Variants in MICU1 observed in about 807,000 individuals in gnomAD.
The protein encoded by MICU1 is calcium uptake protein 1, mitochondrial.
MICU1 carries 45 observed loss-of-function variants against 56.8 expected under a neutral mutation model. That is an observed-to-expected ratio of 0.79 (90% CI 0.62 to 1.02). The LOEUF (loss-of-function observed/expected upper bound fraction) is 1.02, where lower values mean the gene tolerates loss of function less well. Among genes scored for constraint, MICU1 ranks in the 50% least tolerant of loss-of-function variants. The pLI, the probability that MICU1 is intolerant of heterozygous loss-of-function variation, is 0.00. For synonymous variants in MICU1, 186 were observed against 195.1 expected (o/e 0.95, Z 0.39); for missense variants, 504 against 587.1 (o/e 0.86, Z 1.46).
chr10:72,566,978 A>G (rs530445681), intron 1 of MICU1, among the ~76,000 whole-genome samples, 184 bp from the exon 2 acceptor site: 1 of 152,362 alleles, frequency 6.6e-6, no homozygotes, highest in African/African-American at 2.4e-5. Context: ...AGTACTACTT[A>G]TAAAACTGAT....
At chr10:72,510,445 A>G (rs929196192) in intron 5 of MICU1, among the ~76,000 whole-genome samples, 2 of 152,172 alleles carry the variant, frequency 1.3e-5, no homozygotes, top group Non-Finnish European at 1.5e-5. Context: ...CTCAGCATAG[A>G]TTTCCTGGGA....
At chr10:72,436,971 C>T (rs1333888800) in intron 8 of MICU1, among the ~76,000 whole-genome samples, 2 of 152,184 alleles carry the variant, frequency 1.3e-5, no homozygotes, top group Non-Finnish European at 2.9e-5. Context: ...GAAAAACACT[C>T]TTCAGGATAT....
At chr10:72,467,021 C>T (rs963160354) in intron 8 of MICU1, among the ~76,000 whole-genome samples, 3 of 150,884 alleles carry the variant, frequency 2.0e-5, no homozygotes, top group South Asian at 2.1e-4. Context: ...TTTTTTGAGA[C>T]GAAGTCTCAC....
chr10:72,607,952 A>C (rs1008991142), intron 1 of MICU1, among the ~76,000 whole-genome samples: 8 of 152,208 alleles, frequency 5.3e-5, no homozygotes, highest in Admixed American at 4.6e-4. Flanking sequence ...AACAATCCAC[A>C]CATCTGGTGT....
At chr10:72,592,952 C>T (rs1288240140) in intron 1 of MICU1, among the ~76,000 whole-genome samples, 1 of 151,768 alleles carries the variant, frequency 6.6e-6, no homozygotes, top group Non-Finnish European at 1.5e-5. Context: ...CTGGCTAATT[C>T]CTTTTGTATT....
chr10:72,373,206 G>A (rs1329674147), intron 11 of MICU1, among the ~76,000 whole-genome samples: 1 of 148,574 alleles, frequency 6.7e-6, no homozygotes, highest in African/African-American at 2.5e-5. Flanking sequence ...TTGAGATGAG[G>A]TCTTGCTCTG....
intron 8 of MICU1, among the ~76,000 whole-genome samples, chr10:72,435,738 T>G (rs1864690502): frequency 6.6e-6 from 1 of 152,262 alleles, no homozygotes; most frequent in Non-Finnish European, 1.5e-5. Flanking sequence ...GGAGATTCTC[T>G]CCGGTGCCTG....
intron 5 of MICU1, among the ~76,000 whole-genome samples, chr10:72,512,600 C>G (rs1345408108): frequency 5.9e-5 from 9 of 152,106 alleles, no homozygotes; most frequent in Non-Finnish European, 1.3e-4. Flanking sequence ...GTATGAGTAT[C>G]TGTTTGAGTA....
intron 4 of MICU1, among the ~76,000 whole-genome samples, chr10:72,539,589 A>T (rs781471807): frequency 1.3e-5 from 2 of 152,190 alleles, no homozygotes; most frequent in African/African-American, 4.8e-5. Context: ...ACCAAAAACA[A>T]TTCTAAGAGG....
intron 10 of MICU1, among the ~76,000 whole-genome samples, chr10:72,397,528 T>G (rs569966508): frequency 6.6e-6 from 1 of 152,166 alleles, no homozygotes; most frequent in Non-Finnish European, 1.5e-5. Context: ...GTGCTGTATT[T>G]AGGAGACCCA....
At chr10:72,610,855 T>C (rs1173988678) in intron 1 of MICU1, among the ~76,000 whole-genome samples, 1 of 152,172 alleles carries the variant, frequency 6.6e-6, no homozygotes, top group Non-Finnish European at 1.5e-5. Context: ...GGACACTATG[T>C]AGTACAACAT....
intron 3 of MICU1, among the ~76,000 whole-genome samples, chr10:72,559,457 T>C (rs1840237804): frequency 1.3e-5 from 2 of 151,762 alleles, no homozygotes; most frequent in Non-Finnish European, 2.9e-5. Flanking sequence ...TAAAAACATA[T>C]TACTCTATTT....
intron 1 of MICU1, among the ~76,000 whole-genome samples, chr10:72,611,301 TAA>T (rs57100556): frequency 3.7e-5 from 5 of 135,932 alleles, no homozygotes; most frequent in African/African-American, 2.7e-5. Flanking sequence ...AGACTCCCTT[TAA>T]AAAAAAAAAA....
chr10:72,476,560 C>T (rs942691921), intron 7 of MICU1, among the ~76,000 whole-genome samples: 1 of 152,164 alleles, frequency 6.6e-6, no homozygotes, highest in Non-Finnish European at 1.5e-5. Flanking sequence ...GTACCTGATA[C>T]TTTCTCCCAC....
chr10:72,517,916 T>C (rs1399980713), intron 5 of MICU1, among the ~76,000 whole-genome samples: 3 of 152,126 alleles, frequency 2.0e-5, no homozygotes, highest in Admixed American at 6.6e-5. Context: ...TCAGGGGTGA[T>C]ATGGAGGCAT....
At chr10:72,389,602 G>C (rs974960315) in intron 10 of MICU1, among the ~76,000 whole-genome samples, 3 of 152,152 alleles carry the variant, frequency 2.0e-5, no homozygotes, top group African/African-American at 7.2e-5. Flanking sequence ...GGCGTGAATA[G>C]TAAAGACCAG....
Position 72,500,261 on chromosome 10 carries a change from CATATATATATATAT to C in MICU1, c.652+7880_652+7893del, listed in dbSNP as rs869065639. Among the ~76,000 whole-genome samples, 17 of 29,058 alleles carry C rather than the reference CATATATATATATAT, an allele frequency of 5.9e-4. No homozygotes were observed. The South Asian group carries it at 8.5e-3, about 14-fold the overall frequency. The allele number at this position is 29,058 out of a possible 152,430, so 19.1% of individuals were successfully genotyped here. On this transcript the variant is annotated intron_variant, in intron 6 of 11. Coordinates refer to ENST00000361114, the MANE Select transcript of MICU1 (RefSeq NM_001195518.2). ...AAACTATTATATACATACATACATACATATATATATATATATATATATATATATATATATATATA... is the reference window on the plus strand; with the variant it reads ...AAACTATTATATACATACATACATACATATATATATATATATATATATATA...
intron 9 of MICU1, among the ~76,000 whole-genome samples, chr10:72,418,046 T>C (rs981743992): frequency 2.6e-5 from 4 of 152,080 alleles, no homozygotes; most frequent in African/African-American, 9.7e-5. Context: ...GAGTGCCTGG[T>C]GAAGGGGGAA....
chr10:72,602,548 G>A (rs567427809), intron 1 of MICU1, among the ~76,000 whole-genome samples: 7 of 152,060 alleles, frequency 4.6e-5, no homozygotes, highest in South Asian at 2.1e-4. Context: ...GATACAATAC[G>A]CTTTGTCTGT....
Sources: gnomAD v4.1 joint callset for allele counts (sites outside exome capture counted in the v4.1 genomes callset) on GRCh38, gnomAD v4.1.1 for gene constraint, MANE v1.5 for transcripts, NCBI Gene and HGNC (gene_info 2026-07-23, HGNC 2026-07-21) for gene names.